The following IMMP2L variants were observed in gnomAD, a reference collection of about 807,000 sequenced individuals.
IMMP2L encodes the protein inner mitochondrial membrane peptidase subunit 2, also known as mitochondrial inner membrane protease subunit 2.
IMMP2L carries 18 observed loss-of-function variants against 19.3 expected under a neutral mutation model. The observed-to-expected ratio is 0.93, with a 90% CI of 0.64 to 1.38. The LOEUF (loss-of-function observed/expected upper bound fraction) is 1.38, where lower values mean the gene tolerates loss of function less well. Ranked by LOEUF, IMMP2L falls within the 40% of genes most tolerant of loss-of-function variation. The pLI is 0.00. For synonymous variants in IMMP2L, 76 were observed against 73.0 expected, an observed-to-expected ratio of 1.04 and a Z score of -0.21; for missense variants, 233 against 218.2, an observed-to-expected ratio of 1.07 and a Z score of -0.43.
chr7:110,794,478 GATTA>G (rs923949064), intron 5 of IMMP2L, among the ~76,000 whole-genome samples: 2 of 151,960 alleles, frequency 1.3e-5, no homozygotes, highest in African/African-American at 4.8e-5. Context: ...TTTTAGTGCC[GATTA>G]AAGATTCCTT....
chr7:111,271,077 C>T (rs7802797), intron 3 of IMMP2L, among the ~76,000 whole-genome samples: 52,421 of 151,896 alleles, frequency 0.35, 9,451 homozygotes, highest in South Asian at 0.6. Flanking sequence ...AATTTAATCA[C>T]GGGGACAGTT....
At chr7:111,459,111 T>G (rs7784534) in intron 3 of IMMP2L, among the ~76,000 whole-genome samples, 3,070 of 152,218 alleles carry the variant, frequency 0.02, 107 homozygotes, top group African/African-American at 0.07. Flanking sequence ...AACTGATGAG[T>G]TCACAATATT....
At position 110,870,547 on chromosome 7, in the gene IMMP2L, TGTGA is replaced by T. The variant is rs1301075791; in HGVS notation, c.408+16042_408+16045del. On this transcript the variant is annotated intron_variant, in intron 5 of 5. Coordinates refer to ENST00000405709, the MANE Select transcript of IMMP2L (RefSeq NM_032549.4). The surrounding 1 kb of genome is among the most constrained non-coding windows in gnomAD (Gnocchi z 4.2). ...GTCATAGTAGCTAGAAGCAGGTGTGTGTGAGTGTGTGTGTGTGCACGCGCATGTG... is the reference window on the plus strand; with the variant it reads ...GTCATAGTAGCTAGAAGCAGGTGTGTGTGTGTGTGTGTGCACGCGCATGTG... 3.9e-5 allele frequency among the ~76,000 whole-genome samples: 6 copies of T among 152,028 alleles called. No homozygotes were observed. The highest frequency in any genetic ancestry group is 2.1e-4 in the South Asian group (1 of 4,820).
intron 5 of IMMP2L, among the ~76,000 whole-genome samples, chr7:110,704,048 C>T (rs750994867): frequency 3.3e-5 from 5 of 151,930 alleles, no homozygotes; most frequent in East Asian, 1.9e-4. Flanking sequence ...AGGGTTTCAC[C>T]GTGTTAGCCA....
At chr7:111,453,556 T>C (rs905548055) in intron 3 of IMMP2L, among the ~76,000 whole-genome samples, 38 of 152,288 alleles carry the variant, frequency 2.5e-4, no homozygotes, top group African/African-American at 8.4e-4. Context: ...TTGATATCGG[T>C]AACTTGCTTT....
At chr7:110,912,449 T>G (rs1341184911) in intron 4 of IMMP2L, among the ~76,000 whole-genome samples, 1 of 152,046 alleles carries the variant, frequency 6.6e-6, no homozygotes, top group Non-Finnish European at 1.5e-5. Flanking sequence ...ATGTTTGTGA[T>G]GGATCTCAGA....
chr7:111,311,079 A>G (rs886417054), intron 3 of IMMP2L, among the ~76,000 whole-genome samples: 2 of 152,160 alleles, frequency 1.3e-5, no homozygotes, highest in African/African-American at 4.8e-5. Flanking sequence ...ATGGGAGAAC[A>G]GTTCCAGGGC....
At chr7:110,679,111 T>TC (rs1369250347) in intron 5 of IMMP2L, among the ~76,000 whole-genome samples, 1 of 152,014 alleles carries the variant, frequency 6.6e-6, no homozygotes, top group Non-Finnish European at 1.5e-5. Flanking sequence ...ATCATTCTAG[T>TC]CCCCCCAAGA....
chr7:111,121,672 C>T (rs1294741768), intron 3 of IMMP2L, among the ~76,000 whole-genome samples: 5 of 152,094 alleles, frequency 3.3e-5, no homozygotes, highest in Non-Finnish European at 1.5e-5. Context: ...GACAGTGTGG[C>T]GATTCCTCGG....
At chr7:111,474,360 G>A (rs7783166) in intron 3 of IMMP2L, among the ~76,000 whole-genome samples, 3 of 151,984 alleles carry the variant, frequency 2.0e-5, no homozygotes, top group African/African-American at 7.3e-5. Context: ...TCCACAATAT[G>A]ATAAAGTGTG....
rs1372202211 is a variant in IMMP2L at position 111,415,699 on chromosome 7, A to G, written c.239+71539T>C. On this transcript the variant is annotated intron_variant, in intron 3 of 5. Coordinates refer to ENST00000405709, the MANE Select transcript of IMMP2L (RefSeq NM_032549.4). ...AGTATATATGACACAACCACAGCCTATAGAAAAAAATTACACACCTGAGAA... is the reference window on the plus strand; with the variant it reads ...AGTATATATGACACAACCACAGCCTGTAGAAAAAAATTACACACCTGAGAA... Among the ~76,000 whole-genome samples, 8 of 151,932 alleles carry G rather than the reference A, an allele frequency of 5.3e-5. 1 individual carries two copies. The East Asian group carries it at 1.5e-3, about 29-fold the overall frequency.
At chr7:111,203,385 A>G (rs1437992857) in intron 3 of IMMP2L, among the ~76,000 whole-genome samples, 1 of 152,126 alleles carries the variant, frequency 6.6e-6, no homozygotes, top group Non-Finnish European at 1.5e-5. Context: ...AAAAATATAT[A>G]GTATGTCAGA....
At chr7:111,186,014 A>T (rs1194002512) in intron 3 of IMMP2L, among the ~76,000 whole-genome samples, 1 of 152,220 alleles carries the variant, frequency 6.6e-6, no homozygotes, top group African/African-American at 2.4e-5. Context: ...AGATCATCTT[A>T]ATACATTTAA....
chr7:111,030,999 G>C (rs1174082665), intron 3 of IMMP2L, among the ~76,000 whole-genome samples: 2 of 150,102 alleles, frequency 1.3e-5, no homozygotes, highest in South Asian at 4.2e-4. Context: ...CACTGTTAGA[G>C]TGAGAGGTTA....
chr7:111,213,279 A>G lies in IMMP2L; in HGVS notation c.240-249714T>C, dbSNP rs1811528175. On this transcript the variant is annotated intron_variant, in intron 3 of 5. Transcript: ENST00000405709. The surrounding 1 kb of genome is among the most constrained non-coding windows in gnomAD (Gnocchi z 4.8). ...ACAATAAGGGCAGCACTGACATACC[A>G]GCACCCTGCTGCCTCAGCCCCCTCC... 6.6e-6 allele frequency among the ~76,000 whole-genome samples: 1 copy of G among 152,190 alleles called. No individual in the cohort carries two copies. Among genetic ancestry groups the G allele is most frequent in the Non-Finnish European group, 1.5e-5 (1 of 68,030 alleles).
chr7:111,389,395 C>T (rs377502126), intron 3 of IMMP2L, among the ~76,000 whole-genome samples: 6 of 152,074 alleles, frequency 3.9e-5, no homozygotes, highest in South Asian at 4.2e-4. Context: ...GTGTAATAGA[C>T]GGTAATATTG....
chr7:111,341,733 G>T (rs1050930423), intron 3 of IMMP2L, among the ~76,000 whole-genome samples: 2 of 152,140 alleles, frequency 1.3e-5, no homozygotes, highest in Non-Finnish European at 2.9e-5. Context: ...TGGTCTGAAC[G>T]TGTCTTCCAA....
intron 3 of IMMP2L, among the ~76,000 whole-genome samples, chr7:111,288,291 A>G (rs142260425): frequency 1.3e-5 from 2 of 152,178 alleles, no homozygotes; most frequent in Admixed American, 6.5e-5. Context: ...TTAACTCAAG[A>G]TGGATTAAAG....
intron 3 of IMMP2L, among the ~76,000 whole-genome samples, chr7:111,230,863 C>T (rs1813635141): frequency 6.6e-6 from 1 of 151,924 alleles, no homozygotes; most frequent in South Asian, 2.1e-4. Flanking sequence ...ATGTCTTAGG[C>T]TTAGGGTTAC....
Sources: gnomAD v4.1 joint callset for allele counts (sites outside exome capture counted in the v4.1 genomes callset) on GRCh38, gnomAD v4.1.1 for gene constraint, Gnocchi (gnomAD v3.1) non-coding constraint, MANE v1.5 for transcripts, NCBI Gene and HGNC (gene_info 2026-07-23, HGNC 2026-07-21) for gene names.